FMNL3: variants seen among roughly 807,000 people sequenced by gnomAD.
FMNL3 encodes formin-like protein 3.
Under a neutral mutation model 119.6 loss-of-function variants are expected in FMNL3, and 57 were observed. The observed-to-expected ratio is 0.48, with a 90% CI of 0.39 to 0.59. The LOEUF is 0.59. Among genes scored for constraint, FMNL3 ranks in the 20% least tolerant of loss-of-function variants. The pLI is 0.00. For missense variants in FMNL3, 1,053 were observed against 1,323.5 expected (o/e 0.80, Z 3.17); for synonymous variants, 491 against 507.3 (o/e 0.97, Z 0.43).
At position 49,647,908 on chromosome 12, in the gene FMNL3, G is replaced by T; in HGVS notation, c.2677-104C>A. The T allele has an allele frequency of 2.0e-6, 2 of 981,428 alleles. No homozygotes were observed. The highest frequency in any genetic ancestry group is 3.0e-6 in the Non-Finnish European group (2 of 658,182). 60.8% of individuals were successfully genotyped at this position (981,428 alleles called of 1,614,324 possible). A position where few individuals can be genotyped will look rare whatever the true frequency, so the allele number is the denominator to read the frequency against. ...AGAAAGCAGAGCCCAGGGCCAAAGG[G>T]AGGAAAACCAAGCACCCAGGCCCCT... On this transcript the variant is annotated intron_variant, in intron 22 of 25. Coordinates refer to ENST00000335154, the MANE Select transcript of FMNL3 (RefSeq NM_175736.5). The surrounding 1 kb of genome is among the most constrained non-coding windows in gnomAD (Gnocchi z 4.9).
chr12:49,654,806 C>G, intron 10 of FMNL3, 104 bp downstream of exon 10: 1 of 1,076,852 alleles, frequency 9.3e-7, no homozygotes, highest in Non-Finnish European at 1.4e-6. Context: ...TCATTCTGGG[C>G]TCTACGTGGA....
intron 1 of FMNL3, among the ~76,000 whole-genome samples, chr12:49,677,357 A>G (rs1944218363): frequency 6.6e-6 from 1 of 152,204 alleles, no homozygotes; most frequent in Non-Finnish European, 1.5e-5. Flanking sequence ...CTAACTGTGA[A>G]GCCACACTAC....
In FMNL3 at chr12:49,643,618, A is replaced by G; in HGVS notation, c.*2197T>C. The G allele has an allele frequency of 3.3e-6, 5 of 1,509,276 alleles. No homozygotes were observed. In the South Asian group the frequency reaches 4.9e-5, roughly 15 times the overall value. 93.5% of individuals were successfully genotyped at this position (1,509,276 alleles called of 1,614,324 possible). On this transcript the variant is annotated 3_prime_UTR_variant, in exon 26 of 26. Coordinates refer to ENST00000335154, the MANE Select transcript of FMNL3 (RefSeq NM_175736.5). ...AGGTTCCTGCCTGTGAAGAATGAACAGAGGGGCTAGAACAAAGAAAAAGAG... is the reference window on the plus strand; with the variant it reads ...AGGTTCCTGCCTGTGAAGAATGAACGGAGGGGCTAGAACAAAGAAAAAGAG...
At chr12:49,685,071 G>A (rs1033559010) in intron 1 of FMNL3, among the ~76,000 whole-genome samples, 2 of 152,214 alleles carry the variant, frequency 1.3e-5, no homozygotes, top group East Asian at 1.9e-4. Flanking sequence ...TCAAGTCTAC[G>A]AAATGAGCCC....
chr12:49,645,888 G>A lies in FMNL3; in HGVS notation c.3011C>T (p.Pro1004Leu). 6.2e-7 allele frequency: 1 copy of A among 1,612,508 alleles called. No individual in the cohort carries two copies. Among genetic ancestry groups the A allele is most frequent in the East Asian group, 2.2e-5 (1 of 44,648 alleles). ...CCTGGCTTGGTGGCGAACAACCATA[G>A]GCTGGCAGTGGAGGCCTGTGGGGGA... ...EDIITGLHCQ[P>L]MVVRHQARSA... The change falls in exon 26 of 26, where the codon CCT becomes CTT. Residue 1004 changes from proline (P) to leucine (L), a missense_variant. By Grantham distance (98) the Pro-to-Leu change is moderately conservative. Coordinates refer to ENST00000335154, the MANE Select transcript of FMNL3 (RefSeq NM_175736.5).
intron 1 of FMNL3, among the ~76,000 whole-genome samples, chr12:49,687,356 T>G (rs11169108): frequency 0.1 from 13,584 of 132,030 alleles, 1,136 homozygotes; most frequent in African/African-American, 0.28. Context: ...CCTCCCAAAG[T>G]GCTGGGATTA....
Position 49,647,068 on chromosome 12 carries a change from C to T in FMNL3, c.2872-59G>A, listed in dbSNP as rs371762946. The stretch of plus-strand genomic sequence containing the variant: ...TCACTAACCTAATGTGGGACTGGTT[C>T]CTGCCCCAAGGTGCAGTCTGAGGAT... On this transcript the variant is annotated intron_variant, in intron 24 of 25. Coordinates refer to ENST00000335154, the MANE Select transcript of FMNL3 (RefSeq NM_175736.5). The surrounding 1 kb of genome is among the most constrained non-coding windows in gnomAD (Gnocchi z 4.9). 193 of 1,609,722 alleles carry T rather than the reference C, an allele frequency of 1.2e-4. No homozygotes were observed. In the African/African-American group the frequency reaches 2.2e-3, roughly 19 times the overall value.
In FMNL3 at chr12:49,645,891, T is replaced by G. The variant is rs781651925; in HGVS notation, c.3008A>C (p.Gln1003Pro). Residue 1003 changes from glutamine (Q) to proline (P), a missense_variant, in exon 26 of 26, where the codon CAG (glutamine) becomes CCG (proline). This residue lies in a region of FMNL3 where 324 missense variants were observed against 380.9 expected (regional missense o/e 0.85). Transcript: ENST00000335154. ...IEDIITGLHC[Q>P]PMVVRHQARS... ...GGCTTGGTGGCGAACAACCATAGGC[T>G]GGCAGTGGAGGCCTGTGGGGGAAGA... is the stretch of plus-strand genomic sequence containing the variant. The G allele has an allele frequency of 2.0e-5, 33 of 1,612,336 alleles. No individual in the cohort carries two copies. The highest frequency in any genetic ancestry group is 2.7e-5 in the Non-Finnish European group (32 of 1,179,308).
At chr12:49,669,749 T>C (rs1943991847) in intron 1 of FMNL3, among the ~76,000 whole-genome samples, 1 of 152,120 alleles carries the variant, frequency 6.6e-6, no homozygotes, top group Admixed American at 6.5e-5. Flanking sequence ...CAAGAATTGC[T>C]TGAACCTGGG....
At chr12:49,688,938 G>C (rs78670718) in intron 1 of FMNL3, among the ~76,000 whole-genome samples, 114 of 152,210 alleles carry the variant, frequency 7.5e-4, no homozygotes, top group African/African-American at 2.6e-3. Context: ...TTTAGTACAA[G>C]ACAACATTTT....
chr12:49,659,822 A>C (rs1392643837), intron 5 of FMNL3: 1 of 985,326 alleles, frequency 1.0e-6, no homozygotes, highest in Non-Finnish European at 1.2e-6. Context: ...CCCTCTGAGA[A>C]ACAGTCCCTC....
At chr12:49,651,647 G>C (rs2138740294) in intron 14 of FMNL3, among the ~76,000 whole-genome samples, 197 bp from the exon 15 acceptor site, 1 of 152,306 alleles carries the variant, frequency 6.6e-6, no homozygotes, top group Middle Eastern at 3.4e-3. Flanking sequence ...CTCTGACCCA[G>C]TTTCTATGGC....
chr12:49,668,500 C>T lies in FMNL3; in HGVS notation c.181G>A (p.Glu61Lys). 1 of 1,614,186 alleles carries T rather than the reference C, an allele frequency of 6.2e-7. No homozygotes were observed. Among genetic ancestry groups the T allele is most frequent in the Non-Finnish European group, 8.5e-7 (1 of 1,180,034 alleles). ...TCACAGATCAGATCCCATTTCTTCT[C>T]ATTGTCATACTGCCGCAGGAGCCGG... ...KARLLRQYDN[E>K]KKWDLICDQE... The change falls in exon 2 of 26, where the codon GAG (glutamate) becomes AAG (lysine). Residue 61 changes from glutamate (E) to lysine (K), a missense_variant. Around this residue, in one of 4 missense-constraint regions of FMNL3, gnomAD observed 264 missense variants for 265.5 expected, o/e 0.99. Coordinates refer to ENST00000335154, the MANE Select transcript of FMNL3 (RefSeq NM_175736.5).
chr12:49,665,375 T>A (rs1158904832), intron 4 of FMNL3, among the ~76,000 whole-genome samples: 1 of 152,192 alleles, frequency 6.6e-6, no homozygotes, highest in Non-Finnish European at 1.5e-5. Flanking sequence ...GCTCATGAAC[T>A]AAGATTATCT....
At position 49,647,374 on chromosome 12, in the gene FMNL3, A is replaced by G; in HGVS notation, c.2779-6T>C. On this transcript the variant is annotated splice_polypyrimidine_tract_variant and splice_region_variant and intron_variant, in intron 23 of 25. Coordinates refer to ENST00000335154, the MANE Select transcript of FMNL3 (RefSeq NM_175736.5). This position sits in a 1 kb window ranked among gnomAD's most constrained non-coding sequence, Gnocchi z 4.9. ...TCATTCTCTTGTTCTGCTTCCTAAG[A>G]GCCATGGAAGATGGGGGGTGGGGAG... 6.2e-7 allele frequency: 1 copy of G among 1,609,842 alleles called. No individual in the cohort carries two copies. The highest frequency in any genetic ancestry group is 8.5e-7 in the Non-Finnish European group (1 of 1,179,520).
chr12:49,668,242 T>C (rs534898678), intron 2 of FMNL3, among the ~76,000 whole-genome samples: 21 of 152,220 alleles, frequency 1.4e-4, no homozygotes, highest in Non-Finnish European at 5.9e-5. Flanking sequence ...CTATTGCCCA[T>C]TGGAAGAAAT....
chr12:49,705,619 C>A (rs1002841236), intron 1 of FMNL3, among the ~76,000 whole-genome samples: 1 of 152,232 alleles, frequency 6.6e-6, no homozygotes, highest in Non-Finnish European at 1.5e-5. Context: ...CTCAAGGCCA[C>A]TAAGTCCCAG....
At chr12:49,683,374 T>A (rs1944383404) in intron 1 of FMNL3, among the ~76,000 whole-genome samples, 1 of 152,164 alleles carries the variant, frequency 6.6e-6, no homozygotes, top group Non-Finnish European at 1.5e-5. Context: ...CTAAGGTATT[T>A]CTTCTACTGT....
chr12:49,690,287 C>G (rs1005091001), intron 1 of FMNL3, among the ~76,000 whole-genome samples: 3 of 152,150 alleles, frequency 2.0e-5, no homozygotes, highest in Non-Finnish European at 4.4e-5. Flanking sequence ...GCTGTGTATA[C>G]AGCAGGCACC....
Sources: gnomAD v4.1 joint callset for allele counts (sites outside exome capture counted in the v4.1 genomes callset) on GRCh38, gnomAD v4.1.1 for gene constraint, gnomAD v4.1.1 regional missense constraint, Gnocchi (gnomAD v3.1) non-coding constraint, MANE v1.5 for transcripts, NCBI Gene and HGNC (gene_info 2026-07-23, HGNC 2026-07-21) for gene names.